TRPM3: variants seen among roughly 807,000 people sequenced by gnomAD.
TRPM3 encodes the protein long transient receptor potential channel 3.
In TRPM3, 77 loss-of-function variants were observed where a neutral mutation model predicts 181.2. The ratio of observed to expected loss-of-function variants is 0.42; its 90% CI spans 0.35 to 0.51. The LOEUF (loss-of-function observed/expected upper bound fraction) is 0.51. Among genes scored for constraint, TRPM3 ranks in the 20% least tolerant of loss-of-function variants. The probability of loss-of-function intolerance (pLI) is 0.01; values close to 1 mark genes in which losing one functional copy is unlikely to be tolerated. For missense variants in TRPM3, 1,759 were observed against 2,196.7 expected (o/e 0.80, Z 3.98); for synonymous variants, 745 against 796.4 (o/e 0.94, Z 1.09).
At chr9:71,036,552 A>G (rs28647584) in intron 1 of TRPM3, among the ~76,000 whole-genome samples, 6,713 of 152,322 alleles carry the variant, frequency 0.044, 241 homozygotes, top group African/African-American at 0.095. Context: ...AAAAGTTAAC[A>G]GTGAAAAAGC....
At chr9:70,938,433 C>T (rs959851645) in intron 1 of TRPM3, among the ~76,000 whole-genome samples, 1 of 152,162 alleles carries the variant, frequency 6.6e-6, no homozygotes, top group Non-Finnish European at 1.5e-5. Flanking sequence ...CTCCTAGATA[C>T]CCTCTCTACA....
At chr9:71,317,967 G>A (rs1033045379) in intron 1 of TRPM3, among the ~76,000 whole-genome samples, 1 of 151,958 alleles carries the variant, frequency 6.6e-6, no homozygotes, top group African/African-American at 2.4e-5. Flanking sequence ...AAATAGAATG[G>A]GAGGCTGAAT....
At position 70,946,858 on chromosome 9, in the gene TRPM3, C is replaced by T. The variant is rs2096939088; in HGVS notation, c.178-82347G>A. Among the ~76,000 whole-genome samples, 4 of 152,184 alleles carry T rather than the reference C, an allele frequency of 2.6e-5. No homozygotes were observed. The South Asian group carries it at 8.3e-4, about 32-fold the overall frequency. On this transcript the variant is annotated intron_variant, in intron 1 of 25. Coordinates refer to ENST00000677713, the MANE Select transcript of TRPM3 (RefSeq NM_001366145.2). ...ATGTATAATCTATTGCGTCTTGCCT[C>T]TTCCACTCAACATTATATATATGAA...
At chr9:71,145,370 C>T (rs879613608) in intron 1 of TRPM3, among the ~76,000 whole-genome samples, 3 of 152,116 alleles carry the variant, frequency 2.0e-5, no homozygotes, top group Non-Finnish European at 2.9e-5. Context: ...CTGCCCTTTC[C>T]TTTTCCGGTA....
At chr9:71,185,523 G>A (rs2077624688) in intron 1 of TRPM3, among the ~76,000 whole-genome samples, 1 of 152,070 alleles carries the variant, frequency 6.6e-6, no homozygotes, top group Non-Finnish European at 1.5e-5. Context: ...TACTGTTACT[G>A]ACGTAGACCT....
At chr9:71,010,419 C>CA (rs2097723720) in intron 1 of TRPM3, among the ~76,000 whole-genome samples, 1 of 151,838 alleles carries the variant, frequency 6.6e-6, no homozygotes, top group Non-Finnish European at 1.5e-5. Context: ...ACAACAACAA[C>CA]AAAAAACTCC....
intron 1 of TRPM3, among the ~76,000 whole-genome samples, chr9:71,277,102 G>A (rs1333530030): frequency 6.6e-6 from 1 of 151,718 alleles, no homozygotes; most frequent in East Asian, 1.9e-4. Context: ...ATACAACTAA[G>A]TAATATTTAG....
At chr9:70,615,500 G>A (rs1307749517) in intron 18 of TRPM3, among the ~76,000 whole-genome samples, 3 of 152,200 alleles carry the variant, frequency 2.0e-5, no homozygotes, top group Admixed American at 1.3e-4. Flanking sequence ...ACAGATACAG[G>A]CTTAGCTTCT....
At chr9:70,843,453 AT>A (rs2094808368) in intron 4 of TRPM3, among the ~76,000 whole-genome samples, 1 of 152,184 alleles carries the variant, frequency 6.6e-6, no homozygotes, top group Non-Finnish European at 1.5e-5. Context: ...AAGCATAATA[AT>A]TTGTTAGTAT....
intron 3 of TRPM3, among the ~76,000 whole-genome samples, chr9:70,858,374 G>A (rs763271792): frequency 6.6e-6 from 1 of 152,094 alleles, no homozygotes; most frequent in South Asian, 2.1e-4. Flanking sequence ...CAAACTGTGT[G>A]CCAGTTTGTT....
At chr9:71,400,484 A>G (rs980577222) in intron 1 of TRPM3, among the ~76,000 whole-genome samples, 1 of 152,244 alleles carries the variant, frequency 6.6e-6, no homozygotes, top group Non-Finnish European at 1.5e-5. Flanking sequence ...TCTCTCATCA[A>G]CTGGGTGGCA....
chr9:70,566,229 C>T (rs956792664), intron 22 of TRPM3, among the ~76,000 whole-genome samples: 1 of 152,086 alleles, frequency 6.6e-6, no homozygotes, highest in Non-Finnish European at 1.5e-5. Flanking sequence ...GGGAAGCCCA[C>T]GGGTGGTGGT....
intron 8 of TRPM3, among the ~76,000 whole-genome samples, chr9:70,692,338 T>C (rs1462113961): frequency 6.6e-6 from 1 of 152,242 alleles, no homozygotes; most frequent in East Asian, 1.9e-4. Flanking sequence ...AACATCTTTA[T>C]GTATGAGTCC....
chr9:71,048,900 G>C (rs2059761230), intron 1 of TRPM3, among the ~76,000 whole-genome samples: 1 of 152,118 alleles, frequency 6.6e-6, no homozygotes. Context: ...AATGGAAAAG[G>C]GACATGATTT....
rs1005621651 is a variant in TRPM3, at chr9:70,533,947, CAAAAT to C, written c.*2001_*2005del. On this transcript the variant is annotated 3_prime_UTR_variant, in exon 26 of 26. Coordinates refer to ENST00000677713, the MANE Select transcript of TRPM3 (RefSeq NM_001366145.2). Reference sequence around the variant, plus strand: ...AAGGCCATGTATTTACTTGATTTCACAAAATAAAGTAAAACTTGGTGTTTTCAATT... The same window carrying C: ...AAGGCCATGTATTTACTTGATTTCACAAAGTAAAACTTGGTGTTTTCAATT... 21 of 152,158 alleles carry C rather than the reference CAAAAT, an allele frequency of 1.4e-4. No individual in the cohort carries two copies. Among genetic ancestry groups the C allele is most frequent in the Admixed American group, 1.0e-3 (16 of 15,292 alleles). 9.4% of individuals were successfully genotyped at this position (152,158 alleles called of 1,614,324 possible).
intron 1 of TRPM3, among the ~76,000 whole-genome samples, chr9:71,192,237 C>G (rs376981484): frequency 1.2e-4 from 18 of 151,634 alleles, no homozygotes; most frequent in African/African-American, 2.7e-4. Context: ...GAATTTGAAT[C>G]AATTAAAGAA....
chr9:70,610,590 G>GAAAA lies in TRPM3; in HGVS notation c.2667+15_2667+18dup. On this transcript the variant is annotated intron_variant, in intron 19 of 25. Coordinates refer to ENST00000677713, the MANE Select transcript of TRPM3 (RefSeq NM_001366145.2). ...CCTTGTGGCCATCCACTAGGAAGGAGAAAAGGAAATGTGCTTACTGTGTAG... is the reference window on the plus strand; with the variant it reads ...CCTTGTGGCCATCCACTAGGAAGGAGAAAAAAAAGGAAATGTGCTTACTGTGTAG... The GAAAA allele has an allele frequency of 6.2e-7, 1 of 1,609,436 alleles. No individual in the cohort carries two copies. Among genetic ancestry groups the GAAAA allele is most frequent in the Non-Finnish European group, 8.5e-7 (1 of 1,176,710 alleles).
At chr9:70,633,069 T>G (rs977504537) in intron 12 of TRPM3, among the ~76,000 whole-genome samples, 3 of 152,196 alleles carry the variant, frequency 2.0e-5, no homozygotes, top group Admixed American at 6.5e-5. Flanking sequence ...GGTCATTGAA[T>G]TGGATGAGCG....
chr9:71,308,935 T>C (rs778127299), intron 1 of TRPM3, among the ~76,000 whole-genome samples: 4 of 152,124 alleles, frequency 2.6e-5, no homozygotes, highest in Admixed American at 6.6e-5. Context: ...AGACATGACA[T>C]AGATTGATGG....
Sources: allele counts gnomAD v4.1 joint callset (sites outside exome capture counted in the v4.1 genomes callset), GRCh38; gene constraint gnomAD v4.1.1; transcripts MANE v1.5; gene names NCBI Gene and HGNC (gene_info 2026-07-23, HGNC 2026-07-21).